Variants in SIM2 observed in about 807,000 individuals in gnomAD.
The protein encoded by SIM2 is single-minded homolog 2.
A neutral mutation model predicts 64.8 loss-of-function variants in SIM2; 28 were observed. That is an observed-to-expected ratio of 0.43 (90% confidence interval 0.32 to 0.59). The LOEUF is 0.59. Among genes scored for constraint, SIM2 ranks in the 20% least tolerant of loss-of-function variants. SIM2 has a pLI of 0.07. For synonymous variants in SIM2, 408 were observed against 391.1 expected (o/e 1.04, Z -0.51); for missense variants, 847 against 871.4 (o/e 0.97, Z 0.35).
chr21:36,724,652 A>T (rs2088866784), intron 5 of SIM2, among the ~76,000 whole-genome samples: 1 of 152,158 alleles, frequency 6.6e-6, no homozygotes, highest in Non-Finnish European at 1.5e-5. Flanking sequence ...ACACAACACC[A>T]TCTTGTTCTT....
intron 7 of SIM2, among the ~76,000 whole-genome samples, chr21:36,740,993 T>C (rs2089152063): frequency 6.6e-6 from 1 of 152,202 alleles, no homozygotes; most frequent in Non-Finnish European, 1.5e-5. Context: ...ACCTGCCTCC[T>C]GGAAGGCGGT....
At chr21:36,700,788 G>A (rs926111462) in intron 1 of SIM2, among the ~76,000 whole-genome samples, 2 of 152,260 alleles carry the variant, frequency 1.3e-5, no homozygotes, top group Non-Finnish European at 2.9e-5. Context: ...TGAAAGAGAG[G>A]GGTCCGATTA....
chr21:36,702,486 C>T (rs1274550850), intron 1 of SIM2, among the ~76,000 whole-genome samples: 1 of 152,326 alleles, frequency 6.6e-6, no homozygotes, highest in African/African-American at 2.4e-5. Flanking sequence ...ACAGCTGCTC[C>T]GGGGCCTTGG....
chr21:36,719,419 C>T (rs1413738003), intron 3 of SIM2, among the ~76,000 whole-genome samples: 4 of 152,252 alleles, frequency 2.6e-5, no homozygotes, highest in Admixed American at 6.5e-5. Flanking sequence ...TCTGGCCACC[C>T]AGTCCCCTCA....
Position 36,747,803 on chromosome 21 carries a change from C to CT in SIM2, c.1715_1716insT (p.Leu573AlafsTer126). 1 of 1,037,818 alleles carries CT rather than the reference C, an allele frequency of 9.6e-7. No homozygotes were observed. Among genetic ancestry groups the CT allele is most frequent in the Non-Finnish European group, 1.2e-6 (1 of 867,614 alleles). The allele number at this position is 1,037,818 out of a possible 1,614,324, so 64.3% of individuals were successfully genotyped here. On this transcript the variant is annotated frameshift_variant, in exon 11 of 11. Transcript: ENST00000290399. LOFTEE classifies it low-confidence loss of function (END_TRUNC). This position sits in a 1 kb window ranked among gnomAD's most constrained non-coding sequence, Gnocchi z 4.5. ...GCCGCCCGGGACGGGGCGCGGCTGGCGCTGGCCCGCGCGGCACCCGAGTGC... is the reference window on the plus strand; with the variant it reads ...GCCGCCCGGGACGGGGCGCGGCTGGCTGCTGGCCCGCGCGGCACCCGAGTGC...
intron 7 of SIM2, among the ~76,000 whole-genome samples, chr21:36,739,919 G>A (rs9974795): frequency 0.24 from 35,220 of 148,406 alleles, 4,494 homozygotes; most frequent in Middle Eastern, 0.31. Context: ...GTTTCAGTGA[G>A]ATCATGCCAC....
Position 36,699,470 on chromosome 21 carries a change from AG to A in SIM2, c.-275del, listed in dbSNP as rs1423997910. The A allele has an allele frequency of 2.8e-5, 7 of 247,578 alleles. No homozygotes were observed. The highest frequency in any genetic ancestry group is 4.5e-5 in the Non-Finnish European group (6 of 132,456). 15.3% of individuals were successfully genotyped at this position (247,578 alleles called of 1,614,324 possible). A position where few individuals can be genotyped will look rare whatever the true frequency, so the allele number is the denominator to read the frequency against. On this transcript the variant is annotated 5_prime_UTR_variant, in exon 1 of 11. Coordinates refer to ENST00000290399, the MANE Select transcript of SIM2 (RefSeq NM_005069.6). This position sits in a 1 kb window ranked among gnomAD's most constrained non-coding sequence, Gnocchi z 5.6. ...CAGGAGGGAGGAAACAGGAGCGAGC[AG>A]GAACGGGGCTCCGGTTGCTGCAGGA... is the stretch of plus-strand genomic sequence containing the variant.
chr21:36,748,038 C>G lies in SIM2; in HGVS notation c.1950C>G (p.Gly650=). ...HPSPAATSPP[G]APLPHYLGAS... Reference sequence around the variant, plus strand: ...GCCCCGCCGCCACCTCCCCGCCCGGCGCGCCCCTGCCGCACTACCTGGGCG... The same window carrying G: ...GCCCCGCCGCCACCTCCCCGCCCGGGGCGCCCCTGCCGCACTACCTGGGCG... Residue 650 remains glycine, a synonymous_variant, in exon 11 of 11, where the codon GGC becomes GGG. Coordinates refer to ENST00000290399, the MANE Select transcript of SIM2 (RefSeq NM_005069.6). 8.4e-7 allele frequency: 1 copy of G among 1,195,700 alleles called. No homozygotes were observed. The highest frequency in any genetic ancestry group is 1.0e-6 in the Non-Finnish European group (1 of 965,610). The allele number at this position is 1,195,700 out of a possible 1,614,324, so 74.1% of individuals were successfully genotyped here.
intron 6 of SIM2, among the ~76,000 whole-genome samples, chr21:36,728,319 G>A (rs533073978): frequency 6.6e-6 from 1 of 152,334 alleles, no homozygotes; most frequent in South Asian, 2.1e-4. Context: ...TGGAGAACAG[G>A]AAAGAAGTGG....
In SIM2 at chr21:36,744,994, T is replaced by C; in HGVS notation, c.1434T>C (p.Phe478=). The C allele has an allele frequency of 1.2e-6, 2 of 1,614,248 alleles. No homozygotes were observed. The highest frequency in any genetic ancestry group is 1.7e-6 in the Non-Finnish European group (2 of 1,180,042). ...PQGSPCEVAR[F]FLSTLPASGE... ...GATCCCCTTGTGAGGTGGCACGCTTTTTCCTGAGCACACTGCCAGCCAGCG... is the reference window on the plus strand; with the variant it reads ...GATCCCCTTGTGAGGTGGCACGCTTCTTCCTGAGCACACTGCCAGCCAGCG... Residue 478 remains phenylalanine, a synonymous_variant, in exon 10 of 11, where the codon TTT becomes TTC. Coordinates refer to ENST00000290399, the MANE Select transcript of SIM2 (RefSeq NM_005069.6).
At chr21:36,737,078 C>A (rs2089071792) in intron 7 of SIM2, among the ~76,000 whole-genome samples, 1 of 152,046 alleles carries the variant, frequency 6.6e-6, no homozygotes, top group African/African-American at 2.4e-5. Flanking sequence ...AGGCATGTAC[C>A]ACCATACCCA....
rs552805851 is a variant in SIM2 at position 36,732,444 on chromosome 21, C to T, written c.850+1293C>T. ...GGAGGGGGACGGCAGGCCCGCAGGC[C>T]GCTAGGTCCACAGATGCGTGGTGTG... On this transcript the variant is annotated intron_variant, in intron 7 of 10. Transcript: ENST00000290399. Among the ~76,000 whole-genome samples, 8 of 152,316 alleles carry T rather than the reference C, an allele frequency of 5.3e-5. No homozygotes were observed. The East Asian group carries it at 9.6e-4, about 18-fold the overall frequency.
rs1477559548 is a variant in SIM2 at position 36,748,699 on chromosome 21, C to T, written c.*607C>T. On this transcript the variant is annotated 3_prime_UTR_variant, in exon 11 of 11. Coordinates refer to ENST00000290399, the MANE Select transcript of SIM2 (RefSeq NM_005069.6). ...AACAAACCAAGACTAAGGGGGTGAC[C>T]ATGCAATTCCATTTTGTGTCTGTGA... The T allele has an allele frequency of 6.6e-6, 1 of 152,560 alleles. No homozygotes were observed. Among genetic ancestry groups the T allele is most frequent in the African/African-American group, 2.4e-5 (1 of 41,432 alleles). The allele number at this position is 152,560 out of a possible 1,614,324, so 9.5% of individuals were successfully genotyped here.
chr21:36,736,767 T>C (rs1009617614), intron 7 of SIM2, among the ~76,000 whole-genome samples: 2 of 142,394 alleles, frequency 1.4e-5, no homozygotes, highest in East Asian at 2.1e-4. Context: ...CTCCCTCCCT[T>C]TCTTCTTTCT....
At chr21:36,730,174 C>A (rs572946086) in intron 6 of SIM2, among the ~76,000 whole-genome samples, 3 of 152,296 alleles carry the variant, frequency 2.0e-5, no homozygotes, top group South Asian at 2.1e-4. Flanking sequence ...CAGTGTCTAG[C>A]GTGCAACAGA....
At chr21:36,718,768 G>T (rs572652932) in intron 3 of SIM2, among the ~76,000 whole-genome samples, 42 of 152,254 alleles carry the variant, frequency 2.8e-4, no homozygotes, top group Non-Finnish European at 5.0e-4. Context: ...CTAAAAATAG[G>T]ATCCACCCAC....
intron 7 of SIM2, among the ~76,000 whole-genome samples, chr21:36,740,250 C>T (rs1490243338): frequency 6.6e-6 from 1 of 152,228 alleles, no homozygotes; most frequent in East Asian, 1.9e-4. Flanking sequence ...CCCAGTCCCC[C>T]TCGTGCTTCA....
At position 36,745,678 on chromosome 21, in the gene SIM2, A is replaced by C; in HGVS notation, c.1576+542A>C. On this transcript the variant is annotated intron_variant, in intron 10 of 10. Transcript: ENST00000290399. This position sits in a 1 kb window ranked among gnomAD's most constrained non-coding sequence, Gnocchi z 4.8. ...TCCAGGCCTCAGTTTCTTCACCTGT[A>C]AAATGGGGTGAAGCTGTGATGTGCC... The C allele has an allele frequency of 8.3e-7, 1 of 1,206,196 alleles. No individual in the cohort carries two copies. Among genetic ancestry groups the C allele is most frequent in the South Asian group, 1.6e-5 (1 of 63,180 alleles). 74.7% of individuals were successfully genotyped at this position (1,206,196 alleles called of 1,614,324 possible).
chr21:36,721,715 C>T (rs1021108216), intron 4 of SIM2, among the ~76,000 whole-genome samples: 3 of 152,110 alleles, frequency 2.0e-5, no homozygotes, highest in African/African-American at 4.8e-5. Flanking sequence ...GGATTACAGG[C>T]GTGAGCCACC....
Sources: gnomAD v4.1 joint callset for allele counts (sites outside exome capture counted in the v4.1 genomes callset) on GRCh38, gnomAD v4.1.1 for gene constraint, Gnocchi (gnomAD v3.1) non-coding constraint, MANE v1.5 for transcripts, NCBI Gene and HGNC (gene_info 2026-07-23, HGNC 2026-07-21) for gene names.